DTNA: variants seen among roughly 807,000 people sequenced by gnomAD.
The protein encoded by DTNA is dystrobrevin alpha.
A neutral mutation model predicts 100.7 loss-of-function variants in DTNA; 43 were observed. The observed-to-expected ratio is 0.43, with a 90% CI of 0.33 to 0.55. DTNA has a LOEUF of 0.55. DTNA is among the 20% of genes least tolerant of loss of function. The pLI is 0.04. For missense variants in DTNA, 798 were observed against 953.9 expected, an observed-to-expected ratio of 0.84 and a Z score of 2.15; for synonymous variants, 349 against 347.9, an observed-to-expected ratio of 1.00 and a Z score of -0.04.
intron 1 of DTNA, among the ~76,000 whole-genome samples, chr18:34,720,299 G>A (rs1285752928): frequency 6.6e-6 from 1 of 152,102 alleles, no homozygotes; most frequent in African/African-American, 2.4e-5. Context: ...AGAATTGTAT[G>A]GAAAATTAGC....
chr18:34,703,338 A>G (rs1362289155), intron 1 of DTNA, among the ~76,000 whole-genome samples: 1 of 152,202 alleles, frequency 6.6e-6, no homozygotes, highest in Non-Finnish European at 1.5e-5. Context: ...GTGCTGTATT[A>G]GGAGGTTCTT....
Position 34,533,629 on chromosome 18 carries a change from C to G in DTNA, c.-2+40115C>G, listed in dbSNP as rs575677244. 4.6e-5 allele frequency among the ~76,000 whole-genome samples: 7 copies of G among 152,064 alleles called. No homozygotes were observed. The South Asian group carries it at 1.5e-3, about 32-fold the overall frequency. On this transcript the variant is annotated intron_variant, in intron 1 of 19. Transcript: ENST00000283365. The stretch of plus-strand genomic sequence containing the variant: ...GTAACTTATTTGCAGCGCATGTTTT[C>G]TGAAAATTTAGTCTTTTTTCTCAAT...
intron 1 of DTNA, among the ~76,000 whole-genome samples, chr18:34,742,629 T>TTCTATGATCTATCTAGATAGATAGATAA (rs2090872632): frequency 7.3e-6 from 1 of 137,690 alleles, no homozygotes. Context: ...TCTGATTATC[T>TTCTATGATCTATCTAGATAGATAGATAA]TCTATTATCT....
intron 15 of DTNA, among the ~76,000 whole-genome samples, chr18:34,855,874 G>T (rs1272091744): frequency 6.6e-6 from 1 of 152,128 alleles, no homozygotes; most frequent in Non-Finnish European, 1.5e-5. Context: ...CGGGCATGGG[G>T]GTAACACATT....
At position 34,518,775 on chromosome 18, in the gene DTNA, A is replaced by G. The variant is rs2041904114; in HGVS notation, c.-2+25261A>G. Among the ~76,000 whole-genome samples, 3 of 149,652 alleles carry G rather than the reference A, an allele frequency of 2.0e-5. No individual in the cohort carries two copies. The South Asian group carries it at 6.3e-4, about 32-fold the overall frequency. Reference sequence around the variant, plus strand: ...TACTATGTGTGAGACACTATTAGGTAGTAAAGACGGGAACATTAATAGAAT... The same window carrying G: ...TACTATGTGTGAGACACTATTAGGTGGTAAAGACGGGAACATTAATAGAAT... On this transcript the variant is annotated intron_variant, in intron 1 of 19. Coordinates refer to the DTNA transcript ENST00000283365.
chr18:34,817,958 CCATTT>C, intron 7 of DTNA: 6 of 1,458,322 alleles, frequency 4.1e-6, no homozygotes, highest in Middle Eastern at 2.5e-4. Context: ...CTTCTCCATC[CCATTT>C]CATTTCATTT....
rs181290792 is a variant in DTNA, at chr18:34,698,494, C to T, written c.-1-57482C>T. On this transcript the variant is annotated intron_variant, in intron 1 of 19. Coordinates refer to the DTNA transcript ENST00000283365. ...GCTTCAGTCTTCACATGGCTTCCCCCGTTTGTATGTCTCTTTTTACATTCT... is the reference window on the plus strand; with the variant it reads ...GCTTCAGTCTTCACATGGCTTCCCCTGTTTGTATGTCTCTTTTTACATTCT... Among the ~76,000 whole-genome samples, 57 of 152,310 alleles carry T rather than the reference C, an allele frequency of 3.7e-4. 1 individual carries two copies. Among genetic ancestry groups the T allele is most frequent in the African/African-American group, 1.3e-3 (54 of 41,570 alleles).
chr18:34,623,592 G>C (rs975157912), intron 1 of DTNA, among the ~76,000 whole-genome samples: 15 of 152,128 alleles, frequency 9.9e-5, no homozygotes, highest in African/African-American at 3.6e-4. Context: ...ACACATAGAA[G>C]AAATAAATGA....
At position 34,536,826 on chromosome 18, in the gene DTNA, T is replaced by C. The variant is rs9963113; in HGVS notation, c.-2+43312T>C. Among the ~76,000 whole-genome samples the C allele has an allele frequency of 5.5e-3, 829 of 152,060 alleles. 9 individuals are homozygous for C. Among genetic ancestry groups the C allele is most frequent in the African/African-American group, 0.019 (797 of 41,532 alleles). On this transcript the variant is annotated intron_variant, in intron 1 of 19. Transcript: ENST00000283365. ...TGTGCTATAACAATAATATTCCTAG[T>C]GCTTATGAAAAAGTGGCCAAATATA...
At chr18:34,564,090 G>A (rs747002204) in intron 1 of DTNA, among the ~76,000 whole-genome samples, 11 of 151,928 alleles carry the variant, frequency 7.2e-5, no homozygotes, top group African/African-American at 9.7e-5. Context: ...GGCAGAAGGC[G>A]GAAGGCTTTT....
chr18:34,617,691 A>G (rs1457605453), intron 1 of DTNA, among the ~76,000 whole-genome samples: 1 of 152,238 alleles, frequency 6.6e-6, no homozygotes, highest in Non-Finnish European at 1.5e-5. Flanking sequence ...TAGTTTCAGT[A>G]ATAATGGTAC....
chr18:34,494,342 A>G (rs1239260351), intron 1 of DTNA, among the ~76,000 whole-genome samples: 13 of 19,690 alleles, frequency 6.6e-4, no homozygotes, highest in Non-Finnish European at 8.6e-4. Flanking sequence ...CCTGGGTGGG[A>G]GTGGGCTCCG....
chr18:34,556,471 G>A (rs2046062482), intron 1 of DTNA, among the ~76,000 whole-genome samples: 1 of 151,428 alleles, frequency 6.6e-6, no homozygotes, highest in East Asian at 2.0e-4. Flanking sequence ...AGTCTCGATG[G>A]TCTTTACATT....
chr18:34,789,086 T>C (rs764802928), intron 3 of DTNA, among the ~76,000 whole-genome samples: 4 of 152,188 alleles, frequency 2.6e-5, no homozygotes, highest in Admixed American at 6.5e-5. Context: ...TTTGCCCAGT[T>C]TTGCAGTTAT....
chr18:34,765,930 A>G, intron 2 of DTNA, 31 bp from the exon 3 acceptor site: 1 of 1,608,014 alleles, frequency 6.2e-7, no homozygotes, highest in Non-Finnish European at 8.5e-7. Context: ...CACACATGGC[A>G]TACCTTATGT....
chr18:34,639,123 G>A (rs982787023), intron 1 of DTNA, among the ~76,000 whole-genome samples: 5 of 152,224 alleles, frequency 3.3e-5, no homozygotes, highest in Non-Finnish European at 7.3e-5. Context: ...TTATAGGCGT[G>A]AGCCACTGCT....
chr18:34,806,351 AC>A, intron 5 of DTNA, 47 bp downstream of exon 5: 1 of 1,537,406 alleles, frequency 6.5e-7, no homozygotes, highest in Non-Finnish European at 9.0e-7. Flanking sequence ...CTTGCTAGGT[AC>A]CACCCTTTTC....
intron 11 of DTNA, among the ~76,000 whole-genome samples, chr18:34,832,338 T>C (rs1368071720): frequency 6.6e-6 from 1 of 152,232 alleles, no homozygotes; most frequent in African/African-American, 2.4e-5. Flanking sequence ...GTCCCAGAGC[T>C]CTACTAATAT....
At chr18:34,797,703 A>C (rs981019342) in intron 4 of DTNA, among the ~76,000 whole-genome samples, 3 of 152,210 alleles carry the variant, frequency 2.0e-5, no homozygotes, top group Non-Finnish European at 4.4e-5. Flanking sequence ...AAAAGCCTAT[A>C]ATGTGCAGCC....
Sources: gnomAD v4.1 joint callset for allele counts (sites outside exome capture counted in the v4.1 genomes callset) on GRCh38, gnomAD v4.1.1 for gene constraint, MANE v1.5 for transcripts, NCBI Gene and HGNC (gene_info 2026-07-23, HGNC 2026-07-21) for gene names.